The following CCDC178 variants were observed in gnomAD, a reference collection of about 807,000 sequenced individuals.
CCDC178 encodes the protein coiled-coil domain-containing protein 178.
CCDC178 carries 126 observed loss-of-function variants against 117.4 expected under a neutral mutation model. That is an observed-to-expected ratio of 1.07 (90% CI 0.93 to 1.24). CCDC178 has a LOEUF of 1.24. Among genes scored for constraint, CCDC178 ranks in the 50% most tolerant of loss-of-function variants. CCDC178 has a pLI of 0.00. For synonymous variants in CCDC178, 283 were observed against 313.4 expected, an observed-to-expected ratio of 0.90 and a Z score of 1.02; for missense variants, 1,030 against 986.9, an observed-to-expected ratio of 1.04 and a Z score of -0.59.
chr18:32,995,389 T>G (rs1324661508), intron 21 of CCDC178, among the ~76,000 whole-genome samples: 2 of 152,140 alleles, frequency 1.3e-5, no homozygotes, highest in Non-Finnish European at 2.9e-5. Context: ...TCAATATAGT[T>G]TTCTTTCTAG....
At chr18:32,942,122 A>C (rs2054252095) in intron 22 of CCDC178, among the ~76,000 whole-genome samples, 1 of 152,098 alleles carries the variant, frequency 6.6e-6, no homozygotes, top group East Asian at 1.9e-4. Flanking sequence ...TAATGTAGTA[A>C]ATGAGTTTGA....
At chr18:33,075,988 A>ATT (rs753718170) in intron 21 of CCDC178, among the ~76,000 whole-genome samples, 9 of 152,114 alleles carry the variant, frequency 5.9e-5, no homozygotes, top group Non-Finnish European at 1.0e-4. Flanking sequence ...TTATGTAGAT[A>ATT]TTTTTCTACA....
chr18:33,013,268 T>A (rs1366439594), intron 21 of CCDC178, among the ~76,000 whole-genome samples: 1 of 152,190 alleles, frequency 6.6e-6, no homozygotes, highest in Non-Finnish European at 1.5e-5. Flanking sequence ...TAACTTTAGT[T>A]CCTTAATCAT....
chr18:33,394,939 A>ATGTGTGTGTG (rs1302202346), intron 4 of CCDC178, among the ~76,000 whole-genome samples: 10 of 76,176 alleles, frequency 1.3e-4, no homozygotes, highest in African/African-American at 3.5e-4. Flanking sequence ...CTGTATATGT[A>ATGTGTGTGTG]TGTGTATATA....
At chr18:33,096,684 T>G (rs1393267853) in intron 20 of CCDC178, among the ~76,000 whole-genome samples, 1 of 152,066 alleles carries the variant, frequency 6.6e-6, no homozygotes, top group Non-Finnish European at 1.5e-5. Context: ...TCAGGGACAC[T>G]AACATAGCCG....
At position 33,221,204 on chromosome 18, in the gene CCDC178, G is replaced by T. The variant is rs1333758469; in HGVS notation, c.1932+1902C>A. 5.3e-5 allele frequency among the ~76,000 whole-genome samples: 8 copies of T among 152,108 alleles called. No homozygotes were observed. In the East Asian group the frequency reaches 1.4e-3, roughly 26 times the overall value. On this transcript the variant is annotated intron_variant, in intron 18 of 22. Coordinates refer to ENST00000383096, the MANE Select transcript of CCDC178 (RefSeq NM_001105528.4). ...ATATAGTGCCTAACAGACCTAGTAG[G>T]CACTGAGTTCATGCAGAAGACAACA...
rs183605013 is a variant in CCDC178, at chr18:33,294,395, T to A, written c.1023-1083A>T. Among the ~76,000 whole-genome samples the A allele has an allele frequency of 7.9e-5, 12 of 152,270 alleles. No individual in the cohort carries two copies. The East Asian group carries it at 1.9e-3, about 24-fold the overall frequency. ...TGAAACCCACATAAGAGTAAAACGTTTATATGTAATAAACTCCTACAAGTC... is the reference window on the plus strand; with the variant it reads ...TGAAACCCACATAAGAGTAAAACGTATATATGTAATAAACTCCTACAAGTC... On this transcript the variant is annotated intron_variant, in intron 11 of 22. Transcript: ENST00000383096.
chr18:33,199,484 T>C (rs577543801), intron 20 of CCDC178, among the ~76,000 whole-genome samples: 27 of 152,290 alleles, frequency 1.8e-4, no homozygotes, highest in African/African-American at 6.0e-4. Context: ...CATTTTAATC[T>C]TAGAATTTAT....
intron 7 of CCDC178, among the ~76,000 whole-genome samples, chr18:33,351,619 T>C (rs2062981456): frequency 6.6e-6 from 1 of 152,248 alleles, no homozygotes. Flanking sequence ...CACAGTTCAC[T>C]GTAAACTTGA....
chr18:33,366,829 A>C (rs979043918), intron 6 of CCDC178, among the ~76,000 whole-genome samples: 2 of 152,038 alleles, frequency 1.3e-5, no homozygotes, highest in Non-Finnish European at 2.9e-5. Flanking sequence ...ATACGTTATC[A>C]GACGGGCCTG....
At chr18:33,301,550 C>T (rs2062176733) in intron 11 of CCDC178, among the ~76,000 whole-genome samples, 2 of 152,196 alleles carry the variant, frequency 1.3e-5, no homozygotes, top group Non-Finnish European at 2.9e-5. Flanking sequence ...AATAGCTGCA[C>T]CTTGCAAAGC....
At chr18:33,050,192 T>C (rs2056723151) in intron 21 of CCDC178, among the ~76,000 whole-genome samples, 1 of 152,208 alleles carries the variant, frequency 6.6e-6, no homozygotes, top group South Asian at 2.1e-4. Flanking sequence ...CAAGCCTCTG[T>C]GGGAACATTA....
chr18:33,197,218 G>A (rs548447718), intron 20 of CCDC178, among the ~76,000 whole-genome samples: 2 of 152,056 alleles, frequency 1.3e-5, no homozygotes, highest in Admixed American at 1.3e-4. Context: ...CCATAATGCT[G>A]AGGGTTCACT....
rs778433006 is a variant in CCDC178 at position 32,997,165 on chromosome 18, G to C, written c.2389-22484C>G. Reference sequence around the variant, plus strand: ...AACCCTAGTACTATTTGTACTCTGTGTGTGGGGGTAGGATGGGGCAGTGAA... The same window carrying C: ...AACCCTAGTACTATTTGTACTCTGTCTGTGGGGGTAGGATGGGGCAGTGAA... On this transcript the variant is annotated intron_variant, in intron 21 of 22. Transcript: ENST00000383096. Among the ~76,000 whole-genome samples, 4 of 152,110 alleles carry C rather than the reference G, an allele frequency of 2.6e-5. No individual in the cohort carries two copies. In the East Asian group the frequency reaches 7.7e-4, roughly 29 times the overall value.
At chr18:33,073,839 G>A (rs1341646567) in intron 21 of CCDC178, among the ~76,000 whole-genome samples, 1 of 152,164 alleles carries the variant, frequency 6.6e-6, no homozygotes, top group East Asian at 1.9e-4. Context: ...TACATAGGTG[G>A]CATGATAGTG....
chr18:33,026,481 A>G (rs2056232111), intron 21 of CCDC178, among the ~76,000 whole-genome samples: 1 of 152,092 alleles, frequency 6.6e-6, no homozygotes. Flanking sequence ...ATAATTTTCC[A>G]AAGTTGGTGA....
At chr18:33,095,930 A>G (rs901941374) in intron 20 of CCDC178, among the ~76,000 whole-genome samples, 6 of 152,026 alleles carry the variant, frequency 3.9e-5, no homozygotes, top group Non-Finnish European at 5.9e-5. Flanking sequence ...TGACTTTCAG[A>G]AGGTATGTGA....
At chr18:33,386,855 A>C (rs1231450471) in intron 5 of CCDC178, among the ~76,000 whole-genome samples, 2 of 152,162 alleles carry the variant, frequency 1.3e-5, no homozygotes, top group East Asian at 3.9e-4. Flanking sequence ...TAGTGTTGGA[A>C]GTTCTGGCCA....
rs186026561 is a variant in CCDC178 at position 33,038,868 on chromosome 18, C to A, written c.2388+53893G>T. ...GTAGGAAAACTCCCTTAATCCTCAACATATGCCAAAGGACTCCCATCAATT... is the reference window on the plus strand; with the variant it reads ...GTAGGAAAACTCCCTTAATCCTCAAAATATGCCAAAGGACTCCCATCAATT... On this transcript the variant is annotated intron_variant, in intron 21 of 22. Transcript: ENST00000383096. Among the ~76,000 whole-genome samples, 4 of 152,104 alleles carry A rather than the reference C, an allele frequency of 2.6e-5. No individual in the cohort carries two copies. The East Asian group carries it at 5.8e-4, about 22-fold the overall frequency.
Sources: gnomAD v4.1 joint callset for allele counts (sites outside exome capture counted in the v4.1 genomes callset) on GRCh38, gnomAD v4.1.1 for gene constraint, MANE v1.5 for transcripts, NCBI Gene and HGNC (gene_info 2026-07-23, HGNC 2026-07-21) for gene names.